TANGO6: variants seen among roughly 807,000 people sequenced by gnomAD.
The protein encoded by TANGO6 is transport and Golgi organization protein 6 homolog.
Under a neutral mutation model 114.2 loss-of-function variants are expected in TANGO6, and 90 were observed. That is an observed-to-expected ratio of 0.79 (90% confidence interval 0.66 to 0.94). TANGO6 has a LOEUF of 0.94. Among genes scored for constraint, TANGO6 ranks in the 40% least tolerant of loss-of-function variants. The probability of loss-of-function intolerance (pLI) is 0.00; values close to 1 mark genes in which losing one functional copy is unlikely to be tolerated. For synonymous variants in TANGO6, 477 were observed against 509.8 expected (o/e 0.94, Z 0.87); for missense variants, 1,274 against 1,315.3 (o/e 0.97, Z 0.49).
chr16:68,990,841 T>C (rs998515849), intron 15 of TANGO6, among the ~76,000 whole-genome samples: 33 of 152,176 alleles, frequency 2.2e-4, no homozygotes, highest in Admixed American at 3.3e-4. Context: ...ATGGGAGCCA[T>C]TGAAAGACTT....
chr16:68,849,106 G>A (rs1026547872), intron 1 of TANGO6, among the ~76,000 whole-genome samples: 6 of 152,188 alleles, frequency 3.9e-5, no homozygotes, highest in African/African-American at 1.4e-4. Flanking sequence ...AGGCCGAGGT[G>A]GGTGGATCAC....
chr16:69,018,170 G>A (rs1959337529), intron 15 of TANGO6, among the ~76,000 whole-genome samples: 1 of 102,150 alleles, frequency 9.8e-6, no homozygotes, highest in Non-Finnish European at 1.9e-5. Flanking sequence ...TTGAGACAGA[G>A]TCTCTCTCTG....
At chr16:69,078,729 G>GTATTT (rs1229669975) in intron 17 of TANGO6, among the ~76,000 whole-genome samples, 1 of 152,064 alleles carries the variant, frequency 6.6e-6, no homozygotes, top group Admixed American at 6.6e-5. Context: ...ATACGTTTCT[G>GTATTT]TATTTTATTT....
In TANGO6 at chr16:68,986,631, C is replaced by T. The variant is rs577749688; in HGVS notation, c.2842+12463C>T. 5.7e-4 allele frequency among the ~76,000 whole-genome samples: 87 copies of T among 152,120 alleles called. 1 individual carries two copies. The highest frequency in any genetic ancestry group is 1.2e-3 in the Non-Finnish European group (80 of 67,988). ...TAGAAAACGTATCATCTGGGCCGGG[C>T]GCAGTGGCTCACACCTGTAATCCCA... On this transcript the variant is annotated intron_variant, in intron 15 of 17. Coordinates refer to ENST00000261778, the MANE Select transcript of TANGO6 (RefSeq NM_024562.2).
intron 11 of TANGO6, among the ~76,000 whole-genome samples, chr16:68,918,197 C>T (rs983164548): frequency 6.6e-6 from 1 of 152,118 alleles, no homozygotes; most frequent in Non-Finnish European, 1.5e-5. Flanking sequence ...CGTGAGCCAC[C>T]GTGCTCAACC....
chr16:68,848,291 A>G (rs1206703315), intron 1 of TANGO6, among the ~76,000 whole-genome samples: 1 of 152,162 alleles, frequency 6.6e-6, no homozygotes, highest in African/African-American at 2.4e-5. Context: ...TTTTTTAAAA[A>G]TAGAAGTAAT....
chr16:69,066,745 G>A (rs372903066), intron 17 of TANGO6, among the ~76,000 whole-genome samples: 187 of 152,134 alleles, frequency 1.2e-3, no homozygotes, highest in Non-Finnish European at 2.0e-3. Context: ...CAATATACTC[G>A]TAAGGTAGGT....
intron 6 of TANGO6, among the ~76,000 whole-genome samples, chr16:68,879,619 C>CTT (rs201622523): frequency 7.1e-5 from 10 of 140,090 alleles, no homozygotes; most frequent in East Asian, 2.1e-4. Context: ...CATTTTCTTT[C>CTT]TTTTTTTTTT....
intron 1 of TANGO6, among the ~76,000 whole-genome samples, chr16:68,859,564 T>C (rs1364861425): frequency 6.6e-6 from 1 of 152,254 alleles, no homozygotes; most frequent in Non-Finnish European, 1.5e-5. Context: ...TTTATATTTC[T>C]GTTCTGGCTA....
Position 69,041,259 on chromosome 16 carries a change from C to T in TANGO6, c.3108+838C>T, listed in dbSNP as rs574055283. ...GTCAGGAGTTCGAGACCAGCCTGAC[C>T]AACATGGAGAAACCCCATCTCTACT... is the stretch of plus-strand genomic sequence containing the variant. On this transcript the variant is annotated intron_variant, in intron 17 of 17. Coordinates refer to ENST00000261778, the MANE Select transcript of TANGO6 (RefSeq NM_024562.2). 5.8e-3 allele frequency among the ~76,000 whole-genome samples: 889 copies of T among 152,036 alleles called. 3 individuals carry two copies. The highest frequency in any genetic ancestry group is 9.7e-3 in the Non-Finnish European group (660 of 68,004).
intron 15 of TANGO6, among the ~76,000 whole-genome samples, chr16:69,011,745 A>G (rs993251286): frequency 6.6e-6 from 1 of 152,182 alleles, no homozygotes; most frequent in South Asian, 2.1e-4. Flanking sequence ...ATTTGACAGC[A>G]CCCCTCTGCT....
At chr16:68,998,874 T>C (rs1177963856) in intron 15 of TANGO6, among the ~76,000 whole-genome samples, 2 of 151,856 alleles carry the variant, frequency 1.3e-5, no homozygotes, top group East Asian at 3.9e-4. Context: ...CATTGTTCCA[T>C]AGGAATCCCA....
intron 10 of TANGO6, among the ~76,000 whole-genome samples, chr16:68,907,953 G>T (rs1567537171): frequency 6.6e-6 from 1 of 152,116 alleles, no homozygotes; most frequent in Non-Finnish European, 1.5e-5. Context: ...CTGTTGTTTT[G>T]TCAGGTATTT....
intron 15 of TANGO6, among the ~76,000 whole-genome samples, chr16:69,008,430 C>A (rs1358268268): frequency 6.6e-6 from 1 of 152,136 alleles, no homozygotes; most frequent in Non-Finnish European, 1.5e-5. Context: ...CGAGATCTTG[C>A]TATGTTGATC....
chr16:68,954,356 G>A (rs1363428860), intron 14 of TANGO6, among the ~76,000 whole-genome samples: 4 of 151,898 alleles, frequency 2.6e-5, no homozygotes, highest in Non-Finnish European at 4.4e-5. Context: ...CTGCATGAAC[G>A]CCTGTGCCCT....
At chr16:68,925,090 C>G (rs1230214162) in intron 12 of TANGO6, among the ~76,000 whole-genome samples, 1 of 152,118 alleles carries the variant, frequency 6.6e-6, no homozygotes, top group Admixed American at 6.6e-5. Flanking sequence ...GTGGGCGGAT[C>G]ACATGAGGTC....
intron 15 of TANGO6, among the ~76,000 whole-genome samples, chr16:69,015,883 G>C (rs1485302362): frequency 2.0e-5 from 3 of 152,108 alleles, no homozygotes; most frequent in Admixed American, 2.0e-4. Flanking sequence ...ATATGCTCTT[G>C]ACTTATATGG....
intron 17 of TANGO6, among the ~76,000 whole-genome samples, chr16:69,042,745 T>C (rs1959793243): frequency 6.6e-6 from 1 of 152,184 alleles, no homozygotes; most frequent in Admixed American, 6.6e-5. Context: ...GAGAATCCAC[T>C]GTATGAGAGG....
At chr16:68,866,867 G>T (rs1459218510) in intron 3 of TANGO6, among the ~76,000 whole-genome samples, 1 of 152,066 alleles carries the variant, frequency 6.6e-6, no homozygotes, top group East Asian at 1.9e-4. Context: ...AACCCGGGAG[G>T]TGGAGGTTGC....
Sources: gnomAD v4.1 joint callset for allele counts (sites outside exome capture counted in the v4.1 genomes callset) on GRCh38, gnomAD v4.1.1 for gene constraint, MANE v1.5 for transcripts, NCBI Gene and HGNC (gene_info 2026-07-23, HGNC 2026-07-21) for gene names.